Variants in PRAG1 observed in about 807,000 individuals in gnomAD.
The protein encoded by PRAG1 is inactive tyrosine-protein kinase PRAG1.
A neutral mutation model predicts 95.6 loss-of-function variants in PRAG1; 110 were observed. The observed-to-expected ratio is 1.15, with a 90% CI of 0.99 to 1.35. PRAG1 has a LOEUF of 1.35. Among genes scored for constraint, PRAG1 ranks in the 40% most tolerant of loss-of-function variants. The pLI, the probability that PRAG1 is intolerant of heterozygous loss-of-function variation, is 0.00. For synonymous variants in PRAG1, 1,052 were observed against 819.4 expected (o/e 1.28, Z -4.85); for missense variants, 2,554 against 1,864.7 (o/e 1.37, Z -6.81).
chr8:8,359,974 T>C (rs533874182), intron 3 of PRAG1, among the ~76,000 whole-genome samples: 66 of 152,304 alleles, frequency 4.3e-4, no homozygotes, highest in African/African-American at 1.5e-3. Flanking sequence ...TAAATCCTTC[T>C]CCTTTGACCC....
intron 2 of PRAG1, among the ~76,000 whole-genome samples, chr8:8,379,492 G>A (rs1435783170): frequency 1.3e-5 from 2 of 152,222 alleles, no homozygotes; most frequent in South Asian, 4.1e-4. Flanking sequence ...CCTGGAGAAT[G>A]GGTGTAAGCA....
chr8:8,328,769 C>T (rs1278656900), intron 4 of PRAG1, among the ~76,000 whole-genome samples: 1 of 150,408 alleles, frequency 6.6e-6, no homozygotes, highest in East Asian at 1.9e-4. Context: ...CGTGCCTGCA[C>T]GCGTGCGCAC....
chr8:8,375,661 A>T (rs944244722), intron 3 of PRAG1, among the ~76,000 whole-genome samples: 5 of 152,166 alleles, frequency 3.3e-5, no homozygotes, highest in African/African-American at 1.2e-4. Flanking sequence ...TCTTTAAAAA[A>T]ATTTTTTTTA....
rs1283505736 is a variant in PRAG1 at position 8,376,478 on chromosome 8, T to C, written c.1931A>G (p.Glu644Gly). Residue 644 changes from glutamate (E) to glycine (G), a missense_variant, in exon 3 of 6, where the codon GAG (glutamate) becomes GGG (glycine). By Grantham distance (98) the Glu-to-Gly change is moderately conservative (BLOSUM62 -2). Coordinates refer to ENST00000615670, the MANE Select transcript of PRAG1 (RefSeq NM_001080826.3). ...GTGACTCAGCAATTCCTGCTCCACC[T>C]CCTCTTCTTCCTCTATCCGGCACTG... ...SRQCRIEEEE[E>G]VEQELLSHSW... The C allele has an allele frequency of 6.2e-7, 1 of 1,613,566 alleles. No homozygotes were observed. The highest frequency in any genetic ancestry group is 2.2e-5 in the East Asian group (1 of 44,864).
At chr8:8,346,686 C>T (rs1000162712) in intron 3 of PRAG1, among the ~76,000 whole-genome samples, 1 of 152,206 alleles carries the variant, frequency 6.6e-6, no homozygotes, top group African/African-American at 2.4e-5. Context: ...TGCCCACAAT[C>T]CTTAACGGAT....
At chr8:8,330,362 A>G (rs889094756) in intron 4 of PRAG1, among the ~76,000 whole-genome samples, 10 of 152,204 alleles carry the variant, frequency 6.6e-5, no homozygotes, top group African/African-American at 2.2e-4. Context: ...TGAGACTGTC[A>G]CAAGTGAAAA....
intron 3 of PRAG1, among the ~76,000 whole-genome samples, chr8:8,340,105 A>G (rs1799117079): frequency 6.6e-6 from 1 of 152,152 alleles, no homozygotes; most frequent in African/African-American, 2.4e-5. Context: ...TTTACCTGGT[A>G]CTCTTTTGCC....
intron 4 of PRAG1, among the ~76,000 whole-genome samples, chr8:8,334,067 C>G (rs1378552130): frequency 6.6e-6 from 1 of 152,212 alleles, no homozygotes; most frequent in Non-Finnish European, 1.5e-5. Context: ...ACTTGTTCCT[C>G]TGAAGGCAAG....
At chr8:8,335,090 T>A (rs552262576) in intron 4 of PRAG1, among the ~76,000 whole-genome samples, 29 of 152,080 alleles carry the variant, frequency 1.9e-4, no homozygotes, top group Admixed American at 9.2e-4. Flanking sequence ...ACTTTTCAGA[T>A]GCTGTGATGG....
rs1273815550 is a variant in PRAG1, at chr8:8,332,361, C to G, written c.2321-3900G>C. The stretch of plus-strand genomic sequence containing the variant: ...TATTTTTAGTAGAGACGGGGTTTCA[C>G]CATGTTGGCCAGGCTGGTCTTGAAC... On this transcript the variant is annotated intron_variant, in intron 4 of 5. Coordinates refer to ENST00000615670, the MANE Select transcript of PRAG1 (RefSeq NM_001080826.3). 3.3e-5 allele frequency among the ~76,000 whole-genome samples: 5 copies of G among 152,040 alleles called. 1 individual carries two copies. Among genetic ancestry groups the G allele is most frequent in the Non-Finnish European group, 5.9e-5 (4 of 68,000 alleles).
intron 2 of PRAG1, 44 bp downstream of exon 2, chr8:8,381,374 G>C (rs1318244992): frequency 6.4e-7 from 1 of 1,555,684 alleles, no homozygotes; most frequent in African/African-American, 1.4e-5. Context: ...TGTTCAAACA[G>C]GAGCAGCCCC....
chr8:8,333,698 T>G (rs528946880), intron 4 of PRAG1, among the ~76,000 whole-genome samples: 2 of 152,274 alleles, frequency 1.3e-5, no homozygotes, highest in Middle Eastern at 3.5e-3. Flanking sequence ...TTTTGGCTCT[T>G]TCTTTGCACA....
At chr8:8,329,943 C>G (rs772372379) in intron 4 of PRAG1, among the ~76,000 whole-genome samples, 39 of 152,210 alleles carry the variant, frequency 2.6e-4, no homozygotes, top group Non-Finnish European at 5.9e-5. Context: ...AGGACAAACT[C>G]AGTGCATGCA....
intron 2 of PRAG1, 59 bp from the exon 3 acceptor site, chr8:8,378,137 G>C: frequency 8.0e-6 from 12 of 1,495,996 alleles, no homozygotes; most frequent in Middle Eastern, 1.9e-4. Flanking sequence ...AAAAAAGAGA[G>C]AGAGGAAAAG....
In PRAG1 at chr8:8,318,232, G is replaced by C. The variant is rs765349600; in HGVS notation, c.4143C>G (p.Asp1381Glu). 1 of 1,614,196 alleles carries C rather than the reference G, an allele frequency of 6.2e-7. No individual in the cohort carries two copies. Among genetic ancestry groups the C allele is most frequent in the East Asian group, 2.2e-5 (1 of 44,884 alleles). The part of the protein sequence containing the change: ...VDRRRGVELE[D>E]WLCCQYLASA... ...ACGCCAGGTACTGGCAGCAAAGCCA[G>C]TCCTCCAGCTCCACGCCCCGCCTGC... is the stretch of plus-strand genomic sequence containing the variant. Residue 1381 changes from aspartate (D) to glutamate (E), a missense_variant, in exon 6 of 6, where the codon GAC (aspartate) becomes GAG (glutamate). Physicochemically the swap from Asp to Glu is conservative, Grantham distance 45. Transcript: ENST00000615670. The surrounding 1 kb of genome is among the most constrained non-coding windows in gnomAD (Gnocchi z 4.2).
chr8:8,354,437 G>T (rs1393323729), intron 3 of PRAG1, among the ~76,000 whole-genome samples: 2 of 151,686 alleles, frequency 1.3e-5, no homozygotes, highest in Admixed American at 1.3e-4. Flanking sequence ...TTTTTATGAG[G>T]CCAGCATCAC....
intron 2 of PRAG1, among the ~76,000 whole-genome samples, chr8:8,378,601 T>C (rs1319680407): frequency 6.6e-6 from 1 of 152,128 alleles, no homozygotes; most frequent in African/African-American, 2.4e-5. Context: ...GGCTCATACC[T>C]GTAATCCCAG....
chr8:8,365,196 A>G (rs954624882), intron 3 of PRAG1, among the ~76,000 whole-genome samples: 5 of 152,186 alleles, frequency 3.3e-5, no homozygotes, highest in African/African-American at 1.2e-4. Flanking sequence ...TGTTAGGAAA[A>G]CAATAGTTTT....
intron 3 of PRAG1, among the ~76,000 whole-genome samples, chr8:8,347,394 A>G (rs1799380633): frequency 6.6e-6 from 1 of 152,236 alleles, no homozygotes; most frequent in Non-Finnish European, 1.5e-5. Context: ...AAGCACAGGA[A>G]AACAGAGACG....
Sources: allele counts gnomAD v4.1 joint callset (sites outside exome capture counted in the v4.1 genomes callset), GRCh38; gene constraint gnomAD v4.1.1; non-coding constraint Gnocchi (gnomAD v3.1); transcripts MANE v1.5; gene names NCBI Gene and HGNC (gene_info 2026-07-23, HGNC 2026-07-21).